The following SPMIP5 variants were observed in gnomAD, a reference collection of about 807,000 sequenced individuals.
SPMIP5 encodes sperm microtubule inner protein 5, also known as sperm-associated microtubule inner protein 5.
At chr10:116,662,747 C>T in the SPMIP5 span, among the ~76,000 whole-genome samples, 90 of 151,672 alleles carry the variant, frequency 5.9e-4, no homozygotes, top group African/African-American at 2.2e-3. Context: ...CTATGTCCCT[C>T]AAAAAAAACA....
At chr10:116,663,785 G>T in the SPMIP5 span, 1 of 1,122,972 alleles carries the variant, frequency 8.9e-7, no homozygotes, top group Non-Finnish European at 1.2e-6. Context: ...GGATGCAGGC[G>T]GCAGTTAAAA....
the SPMIP5 span, chr10:116,663,797 ATTC>A: frequency 1.5e-6 from 2 of 1,295,678 alleles, no homozygotes; most frequent in East Asian, 2.6e-5. Flanking sequence ...CAGTTAAAAA[ATTC>A]TTGTTACTAA....
the SPMIP5 span, chr10:116,665,837 C>A: frequency 3.8e-6 from 6 of 1,598,608 alleles, no homozygotes; most frequent in East Asian, 2.2e-5. Flanking sequence ...CTGCAAGAGC[C>A]GAATGGAATC....
chr10:116,663,653 G>T, the SPMIP5 span: 1 of 421,642 alleles, frequency 2.4e-6, no homozygotes, highest in Non-Finnish European at 4.2e-6. Context: ...CCTAGCTCAT[G>T]GTCAACATAA....
At chr10:116,665,622 T>G in the SPMIP5 span, 1 of 1,612,852 alleles carries the variant, frequency 6.2e-7, no homozygotes, top group Non-Finnish European at 8.5e-7. Context: ...GATCAGGGGG[T>G]GGTACTGCAG....
At chr10:116,667,782 G>T in the SPMIP5 span, among the ~76,000 whole-genome samples, 21 of 152,306 alleles carry the variant, frequency 1.4e-4, no homozygotes, top group African/African-American at 4.8e-4. Flanking sequence ...CAGTGTTAAG[G>T]AAAGTCCCAG....
the SPMIP5 span, among the ~76,000 whole-genome samples, chr10:116,667,193 G>A: frequency 6.6e-6 from 1 of 152,182 alleles, no homozygotes; most frequent in East Asian, 1.9e-4. Flanking sequence ...GATGAAGAGA[G>A]TGACTGGAGA....
At chr10:116,665,041 G>T in the SPMIP5 span, 3 of 1,520,874 alleles carry the variant, frequency 2.0e-6, no homozygotes, top group African/African-American at 1.4e-5. Context: ...CTTGCCTAGG[G>T]TCTCCTAGTT....
chr10:116,666,436 A>G, the SPMIP5 span, among the ~76,000 whole-genome samples: 1 of 146,826 alleles, frequency 6.8e-6, no homozygotes, highest in African/African-American at 2.5e-5. Context: ...AAGTACTATA[A>G]TATTGTCACA....
the SPMIP5 span, chr10:116,665,551 A>G: frequency 6.5e-7 from 1 of 1,527,058 alleles, no homozygotes; most frequent in Admixed American, 1.8e-5. Flanking sequence ...CAGCTGGCCT[A>G]TGAGAATCTG....
At chr10:116,664,490 G>A in the SPMIP5 span, 1 of 769,756 alleles carries the variant, frequency 1.3e-6, no homozygotes, top group South Asian at 2.5e-5. Flanking sequence ...CTGCCAGGAT[G>A]GTAGCCCTGC....
At chr10:116,665,897 TC>T in the SPMIP5 span, 1 of 1,342,492 alleles carries the variant, frequency 7.4e-7, no homozygotes. Context: ...CCGCCTAAAC[TC>T]CCCAGCATTT....
chr10:116,665,635 T>A, the SPMIP5 span: 1 of 1,613,942 alleles, frequency 6.2e-7, no homozygotes, highest in Non-Finnish European at 8.5e-7. Context: ...TACTGCAGAT[T>A]GTACTGGTGC....
At chr10:116,662,260 G>T in the SPMIP5 span, among the ~76,000 whole-genome samples, 2 of 152,176 alleles carry the variant, frequency 1.3e-5, no homozygotes, top group African/African-American at 2.4e-5. Context: ...CACTATGTGA[G>T]AGAGTAGATA....
chr10:116,668,276 T>C, the SPMIP5 span: 10 of 1,613,854 alleles, frequency 6.2e-6, no homozygotes, highest in Middle Eastern at 1.6e-4. Context: ...CCTGGTGTGA[T>C]TGGCAGGTTT....
At chr10:116,667,579 A>C in the SPMIP5 span, among the ~76,000 whole-genome samples, 8,744 of 152,294 alleles carry the variant, frequency 0.057, 425 homozygotes, top group East Asian at 0.3. Flanking sequence ...ATATCACCCA[A>C]GTACTATTCC....
the SPMIP5 span, among the ~76,000 whole-genome samples, chr10:116,663,038 C>T: frequency 2.6e-5 from 4 of 151,980 alleles, no homozygotes; most frequent in African/African-American, 9.7e-5. Flanking sequence ...AAAAATCAGC[C>T]GGGCGTGGTG....
chr10:116,664,608 A>G, the SPMIP5 span: 1 of 1,400,882 alleles, frequency 7.1e-7, no homozygotes, highest in Non-Finnish European at 9.4e-7. Context: ...CTACTGGGGA[A>G]GCCCTGAAAC....
the SPMIP5 span, among the ~76,000 whole-genome samples, chr10:116,669,363 C>T: frequency 2.0e-5 from 3 of 152,196 alleles, no homozygotes; most frequent in African/African-American, 7.2e-5. Context: ...GCCACTCTAA[C>T]CCCTGGCATC....
Sources: gnomAD v4.1 joint callset for allele counts (sites outside exome capture counted in the v4.1 genomes callset) on GRCh38, gnomAD v4.1.1 for gene constraint, MANE v1.5 for transcripts, NCBI Gene and HGNC (gene_info 2026-07-23, HGNC 2026-07-21) for gene names.